The following CRACD variants were observed in gnomAD, a reference collection of about 807,000 sequenced individuals.
CRACD encodes the protein capping protein-inhibiting regulator of actin dynamics.
In CRACD, 56 loss-of-function variants were observed where a neutral mutation model predicts 106.8. The observed-to-expected ratio is 0.52, with a 90% CI of 0.42 to 0.66. The LOEUF is 0.66. CRACD is among the 30% of genes least tolerant of loss of function. The pLI, the probability that CRACD is intolerant of heterozygous loss-of-function variation, is 0.00. For missense variants in CRACD, 1,730 were observed against 1,623.2 expected, an observed-to-expected ratio of 1.07 and a Z score of -1.13; for synonymous variants, 754 against 670.8, an observed-to-expected ratio of 1.12 and a Z score of -1.92.
intron 1 of CRACD, among the ~76,000 whole-genome samples, chr4:56,063,637 G>A (rs536287734): frequency 1.3e-5 from 2 of 152,178 alleles, no homozygotes; most frequent in East Asian, 1.9e-4. Flanking sequence ...AAGTGGGATC[G>A]TAGAATGTTT....
At chr4:56,303,409 A>G (rs185765039) in intron 4 of CRACD, among the ~76,000 whole-genome samples, 6 of 151,302 alleles carry the variant, frequency 4.0e-5, no homozygotes, top group African/African-American at 1.2e-4. Context: ...AGATGGGAGG[A>G]GTAGTAGTTT....
At chr4:56,263,397 G>A (rs1306767082) in intron 2 of CRACD, among the ~76,000 whole-genome samples, 4 of 152,302 alleles carry the variant, frequency 2.6e-5, no homozygotes, top group Non-Finnish European at 5.9e-5. Flanking sequence ...CAGACTAGGT[G>A]GCTTAAACAA....
At chr4:56,126,292 A>G (rs1306738104) in intron 1 of CRACD, among the ~76,000 whole-genome samples, 1 of 152,074 alleles carries the variant, frequency 6.6e-6, no homozygotes, top group Non-Finnish European at 1.5e-5. Flanking sequence ...GTATTTAGAA[A>G]CCAAGATCTG....
intron 1 of CRACD, among the ~76,000 whole-genome samples, chr4:56,161,112 A>G (rs1735935427): frequency 6.6e-6 from 1 of 152,198 alleles, no homozygotes; most frequent in African/African-American, 2.4e-5. Flanking sequence ...AAAAGTGTTC[A>G]TTATTCTTGG....
At chr4:56,137,642 A>C (rs1735050926) in intron 1 of CRACD, among the ~76,000 whole-genome samples, 1 of 152,212 alleles carries the variant, frequency 6.6e-6, no homozygotes, top group African/African-American at 2.4e-5. Context: ...GCCAGAACTC[A>C]GGTAACTTTT....
intron 2 of CRACD, among the ~76,000 whole-genome samples, chr4:56,231,393 G>A (rs532528102): frequency 6.6e-6 from 1 of 152,274 alleles, no homozygotes; most frequent in Non-Finnish European, 1.5e-5. Flanking sequence ...ATATAAAAAT[G>A]TATGTTTCTG....
chr4:56,098,594 C>T (rs1037152738), intron 1 of CRACD, among the ~76,000 whole-genome samples: 1 of 152,188 alleles, frequency 6.6e-6, no homozygotes, highest in Non-Finnish European at 1.5e-5. Context: ...AACTCTACTT[C>T]TTCCACTTAC....
Position 56,315,364 on chromosome 4 carries a change from T to C in CRACD, c.1862T>C (p.Leu621Pro). ...ATCAAGGACACCGCGTGCAAGTCCC[T>C]CCTGGGCTTGGAGGAGAAGAAGCAC... is the stretch of plus-strand genomic sequence containing the variant. Reference protein sequence around the residue: ...SQIKDTACKSLLGLEEKKHAE... With the variant: ...SQIKDTACKSPLGLEEKKHAE... The change falls in exon 8 of 11, where the codon CTC becomes CCC. Residue 621 changes from leucine to proline, a missense_variant. This residue lies in a region of CRACD where 1,620 missense variants were observed against 1,481.6 expected (regional missense o/e 1.09). Coordinates refer to ENST00000682029, the MANE Select transcript of CRACD (RefSeq NM_001393381.1). The surrounding 1 kb of genome is among the most constrained non-coding windows in gnomAD (Gnocchi z 4.1). The C allele has an allele frequency of 6.2e-7, 1 of 1,613,454 alleles. No individual in the cohort carries two copies. The highest frequency in any genetic ancestry group is 8.5e-7 in the Non-Finnish European group (1 of 1,179,890).
At chr4:56,110,744 C>A (rs1479788768) in intron 1 of CRACD, among the ~76,000 whole-genome samples, 3 of 152,006 alleles carry the variant, frequency 2.0e-5, no homozygotes, top group Admixed American at 1.3e-4. Context: ...TTACAGGCAC[C>A]CGCCATCACG....
rs551586443 is a variant in CRACD at position 56,201,376 on chromosome 4, T to C, written c.-189+21946T>C. The stretch of plus-strand genomic sequence containing the variant: ...TTGATAGATATCTTTTGTTCCTGCA[T>C]TCTAGGGCATGAAAACAGTAAAAGC... On this transcript the variant is annotated intron_variant, in intron 2 of 10. Coordinates refer to ENST00000682029, the MANE Select transcript of CRACD (RefSeq NM_001393381.1). 9.5e-4 allele frequency among the ~76,000 whole-genome samples: 145 copies of C among 152,352 alleles called. 2 individuals are homozygous for C. Among genetic ancestry groups the C allele is most frequent in the Admixed American group, 8.4e-3 (128 of 15,306 alleles).
At chr4:56,287,057 G>A (rs77433651) in intron 3 of CRACD, among the ~76,000 whole-genome samples, 6,139 of 152,102 alleles carry the variant, frequency 0.04, 231 homozygotes, top group East Asian at 0.22. Flanking sequence ...CCTTCAAAAC[G>A]CCCTGTATTT....
At chr4:56,209,766 C>T (rs1027169581) in intron 2 of CRACD, among the ~76,000 whole-genome samples, 7 of 152,096 alleles carry the variant, frequency 4.6e-5, no homozygotes, top group African/African-American at 1.7e-4. Flanking sequence ...TATGCTTTAA[C>T]ATAACATCAC....
chr4:56,305,200 G>A (rs1041249742), intron 4 of CRACD, among the ~76,000 whole-genome samples: 6 of 152,148 alleles, frequency 3.9e-5, no homozygotes, highest in Non-Finnish European at 5.9e-5. Flanking sequence ...TAGCCTGTGC[G>A]ACAGAAAGAG....
In CRACD at chr4:56,327,798, T is replaced by G; in HGVS notation, c.3696T>G (p.Ile1232Met). 1 of 1,613,934 alleles carries G rather than the reference T, an allele frequency of 6.2e-7. No homozygotes were observed. Among genetic ancestry groups the G allele is most frequent in the Non-Finnish European group, 8.5e-7 (1 of 1,179,868 alleles). ...AKAWSDCPQI[I>M]K The stretch of plus-strand genomic sequence containing the variant: ...CTTGGAGCGACTGTCCACAGATTAT[T>G]AAGTAAAGAGTGACTCTCACCCATC... Residue 1232 changes from isoleucine to methionine, a missense_variant, in exon 11 of 11, where the codon ATT (isoleucine) becomes ATG (methionine). Physicochemically the swap from Ile to Met is conservative, Grantham distance 10. Coordinates refer to ENST00000682029, the MANE Select transcript of CRACD (RefSeq NM_001393381.1).
chr4:56,126,530 A>C (rs1473848610), intron 1 of CRACD, among the ~76,000 whole-genome samples: 1 of 152,180 alleles, frequency 6.6e-6, no homozygotes, highest in Non-Finnish European at 1.5e-5. Flanking sequence ...TTGACTTAGA[A>C]TTTCACCTGC....
rs1480567163 is a variant in CRACD at position 56,314,969 on chromosome 4, G to A, written c.1467G>A (p.Glu489=). Residue 489 remains glutamate, a synonymous_variant, in exon 8 of 11, where the codon GAG becomes GAA. Transcript: ENST00000682029. This position sits in a 1 kb window ranked among gnomAD's most constrained non-coding sequence, Gnocchi z 4.4. The part of the protein sequence containing the change: ...PEEKREEGDT[E]PLLKQEGPVE... ...AAAAGAGAGAAGAAGGGGACACGGA[G>A]CCTCTCCTGAAACAAGAGGGGCCGG... 3 of 1,588,814 alleles carry A rather than the reference G, an allele frequency of 1.9e-6. No individual in the cohort carries two copies.
At chr4:56,218,291 A>G (rs1738823512) in intron 2 of CRACD, among the ~76,000 whole-genome samples, 1 of 151,868 alleles carries the variant, frequency 6.6e-6, no homozygotes, top group South Asian at 2.1e-4. Flanking sequence ...CTTTTTTTTC[A>G]AGTAGAGACA....
At chr4:56,310,586 C>G in intron 5 of CRACD, 80 bp from the exon 6 acceptor site, 1 of 1,001,516 alleles carries the variant, frequency 1.0e-6, no homozygotes, top group East Asian at 2.4e-5. Context: ...GTGACCCTAC[C>G]CAGGCACAGA....
chr4:56,178,655 C>G (rs953055150), intron 1 of CRACD, among the ~76,000 whole-genome samples: 2 of 152,172 alleles, frequency 1.3e-5, no homozygotes, highest in Non-Finnish European at 2.9e-5. Flanking sequence ...TTTGGAGTGA[C>G]TTCATCTTGT....
Sources: gnomAD v4.1 joint callset for allele counts (sites outside exome capture counted in the v4.1 genomes callset) on GRCh38, gnomAD v4.1.1 for gene constraint, gnomAD v4.1.1 regional missense constraint, Gnocchi (gnomAD v3.1) non-coding constraint, MANE v1.5 for transcripts, NCBI Gene and HGNC (gene_info 2026-07-23, HGNC 2026-07-21) for gene names.